CALD1: variants seen among roughly 807,000 people sequenced by gnomAD.
CALD1 encodes caldesmon.
In CALD1, 33 loss-of-function variants were observed where a neutral mutation model predicts 99.9. The ratio of observed to expected loss-of-function variants is 0.33; its 90% confidence interval spans 0.25 to 0.44. The LOEUF is 0.44. Ranked by LOEUF, CALD1 falls within the 20% of genes least tolerant of loss-of-function variation. CALD1 has a pLI of 1.00. For synonymous variants in CALD1, 310 were observed against 325.0 expected, an observed-to-expected ratio of 0.95 and a Z score of 0.50; for missense variants, 861 against 962.1, an observed-to-expected ratio of 0.89 and a Z score of 1.39.
chr7:134,891,817 C>T (rs1332807370), intron 3 of CALD1: 7 of 679,808 alleles, frequency 1.0e-5, no homozygotes, highest in Non-Finnish European at 1.7e-5. Context: ...GAAAGGAATG[C>T]AGTGAGTGTG....
chr7:134,759,453 G>A lies in CALD1; in HGVS notation c.-130+15090G>A, dbSNP rs555269779. Among the ~76,000 whole-genome samples the A allele has an allele frequency of 2.0e-5, 3 of 152,326 alleles. No individual in the cohort carries two copies. The South Asian group carries it at 6.2e-4, about 32-fold the overall frequency. On this transcript the variant is annotated intron_variant, in intron 1 of 13. Coordinates refer to the CALD1 transcript ENST00000417172. ...GCCAGAGGGGAGCTAGCTGGACACA[G>A]ATACGGAGGAACAGTGCTCAAGGCA...
At chr7:134,860,370 C>A (rs1427633137) in intron 2 of CALD1, among the ~76,000 whole-genome samples, 1 of 152,106 alleles carries the variant, frequency 6.6e-6, no homozygotes, top group Non-Finnish European at 1.5e-5. Flanking sequence ...TTGGTACAGT[C>A]GGAAAGAAAG....
Position 134,801,862 on chromosome 7 carries a change from T to C in CALD1, c.-130+22113T>C, listed in dbSNP as rs572997740. 7.2e-5 allele frequency among the ~76,000 whole-genome samples: 11 copies of C among 152,232 alleles called. No individual in the cohort carries two copies. The South Asian group carries it at 2.3e-3, about 32-fold the overall frequency. ...TCAAACTCCTGGGTTTAAGCCATCCTCCCATCTCAGCCTCCCAAAGTGCTG... is the reference window on the plus strand; with the variant it reads ...TCAAACTCCTGGGTTTAAGCCATCCCCCCATCTCAGCCTCCCAAAGTGCTG... On this transcript the variant is annotated intron_variant, in intron 1 of 14. Transcript: ENST00000361675.
At chr7:134,835,709 A>T (rs1799406186) in intron 1 of CALD1, among the ~76,000 whole-genome samples, 1 of 152,186 alleles carries the variant, frequency 6.6e-6, no homozygotes, top group East Asian at 1.9e-4. Context: ...CTTTGTGAAT[A>T]TCGAAAATTT....
intron 2 of CALD1, among the ~76,000 whole-genome samples, chr7:134,857,449 G>A (rs942518784): frequency 6.6e-6 from 1 of 151,898 alleles, no homozygotes; most frequent in Non-Finnish European, 1.5e-5. Flanking sequence ...GAGCCACCGC[G>A]CCCGGCCAGT....
At chr7:134,915,941 C>T (rs182355176) in intron 3 of CALD1, among the ~76,000 whole-genome samples, 95 of 152,314 alleles carry the variant, frequency 6.2e-4, no homozygotes, top group African/African-American at 2.2e-3. Context: ...GCAGAGAAGA[C>T]TCCTTGACTT....
At chr7:134,833,607 G>GA (rs1799316089) in intron 1 of CALD1, among the ~76,000 whole-genome samples, 3 of 152,248 alleles carry the variant, frequency 2.0e-5, no homozygotes, top group Non-Finnish European at 4.4e-5. Context: ...TTTAGAAGTG[G>GA]AAAAAATTGA....
intron 1 of CALD1, among the ~76,000 whole-genome samples, chr7:134,794,780 A>G (rs1797684977): frequency 6.6e-6 from 1 of 152,210 alleles, no homozygotes; most frequent in Admixed American, 6.5e-5. Flanking sequence ...CCAGCCTGCT[A>G]TAAGTCTAAC....
chr7:134,800,267 A>G (rs1310762654), intron 1 of CALD1, among the ~76,000 whole-genome samples: 1 of 152,128 alleles, frequency 6.6e-6, no homozygotes, highest in Non-Finnish European at 1.5e-5. Context: ...TTGGGCTTCT[A>G]ATTTGCTTAA....
chr7:134,777,462 C>T (rs774015023), upstream of CALD1, among the ~76,000 whole-genome samples: 1 of 152,178 alleles, frequency 6.6e-6, no homozygotes, highest in Non-Finnish European at 1.5e-5. Context: ...ATGCAGGTCC[C>T]TGCCGTGTTT....
At chr7:134,723,534 CTTTTTTTTTTTTTTTT>C in the CALD1 span, among the ~76,000 whole-genome samples, 205 of 87,698 alleles carry the variant, frequency 2.3e-3, no homozygotes, top group African/African-American at 9.2e-3. Context: ...GAAAAGGTAA[CTTTTTTTTTTTTTTTT>C]TTTTTTTTTT....
intron 1 of CALD1, among the ~76,000 whole-genome samples, chr7:134,762,345 A>C (rs1796786072): frequency 2.0e-5 from 3 of 152,188 alleles, no homozygotes; most frequent in Non-Finnish European, 4.4e-5. Context: ...ATAATGTAGA[A>C]TGGTCTCTTT....
chr7:134,724,251 G>A, the CALD1 span, among the ~76,000 whole-genome samples: 1 of 152,208 alleles, frequency 6.6e-6, no homozygotes, highest in African/African-American at 2.4e-5. Flanking sequence ...GGGAAGGGAA[G>A]GCACTCTAGC....
the CALD1 span, among the ~76,000 whole-genome samples, chr7:134,735,560 A>G: frequency 2.2e-5 from 2 of 92,884 alleles, no homozygotes; most frequent in African/African-American, 7.3e-5. Context: ...CCTCCCCACT[A>G]CCCTCTGTGT....
chr7:134,892,438 C>G (rs762506008), intron 3 of CALD1, among the ~76,000 whole-genome samples: 1 of 152,166 alleles, frequency 6.6e-6, no homozygotes, highest in African/African-American at 2.4e-5. Flanking sequence ...GAAAAGGTAC[C>G]GCACAAGAAT....
chr7:134,923,438 C>A (rs999016792), intron 3 of CALD1, among the ~76,000 whole-genome samples: 2 of 152,180 alleles, frequency 1.3e-5, no homozygotes, highest in African/African-American at 4.8e-5. Flanking sequence ...AGATAAACTT[C>A]AGGATCCCAC....
intron 1 of CALD1, among the ~76,000 whole-genome samples, chr7:134,833,114 G>A (rs1799297143): frequency 6.6e-6 from 1 of 152,140 alleles, no homozygotes; most frequent in South Asian, 2.1e-4. Flanking sequence ...TTCCCCAACA[G>A]TTATTTGGTG....
intron 3 of CALD1, among the ~76,000 whole-genome samples, chr7:134,875,910 G>T (rs1344832984): frequency 6.6e-6 from 1 of 152,208 alleles, no homozygotes; most frequent in Non-Finnish European, 1.5e-5. Context: ...TTAAGGCAAA[G>T]AAGGCTGTTG....
At chr7:134,940,903 T>C (rs1806374195) in intron 6 of CALD1, among the ~76,000 whole-genome samples, 189 bp from the exon 7 acceptor site, 1 of 152,220 alleles carries the variant, frequency 6.6e-6, no homozygotes, top group Non-Finnish European at 1.5e-5. Flanking sequence ...TAAAGGTGTT[T>C]GTTCACAGGC....
Sources: gnomAD v4.1 joint callset for allele counts (sites outside exome capture counted in the v4.1 genomes callset) on GRCh38, gnomAD v4.1.1 for gene constraint, MANE v1.5 for transcripts, NCBI Gene and HGNC (gene_info 2026-07-23, HGNC 2026-07-21) for gene names.